Variants in SHROOM3 observed in about 807,000 individuals in gnomAD.
The protein encoded by SHROOM3 is shroom family member 3.
A neutral mutation model predicts 138.6 loss-of-function variants in SHROOM3; 47 were observed. The ratio of observed to expected loss-of-function variants is 0.34; its 90% CI spans 0.27 to 0.43. The LOEUF (loss-of-function observed/expected upper bound fraction) is 0.43. Among genes scored for constraint, SHROOM3 ranks in the 20% least tolerant of loss-of-function variants. The pLI, the probability that SHROOM3 is intolerant of heterozygous loss-of-function variation, is 1.00. For synonymous variants in SHROOM3, 1,062 were observed against 1,063.3 expected (o/e 1.00, Z 0.02); for missense variants, 2,491 against 2,596.5 (o/e 0.96, Z 0.88).
intron 2 of SHROOM3, among the ~76,000 whole-genome samples, chr4:76,600,257 C>T (rs529794414): frequency 1.8e-4 from 27 of 152,296 alleles, no homozygotes; most frequent in African/African-American, 3.4e-4. Context: ...TTGTATATCA[C>T]GTTGCCTTCT....
rs114509251 is a variant in SHROOM3 at position 76,754,977 on chromosome 4, G to A, written c.4494G>A (p.Pro1498=). 1.4e-3 allele frequency: 2,253 copies of A among 1,614,026 alleles called. 31 individuals carry two copies. The African/African-American group carries it at 0.025, about 18-fold the overall frequency. The change falls in exon 7 of 11, where the codon CCG becomes CCA. Residue 1498 remains proline (P), a synonymous_variant. Coordinates refer to ENST00000296043, the MANE Select transcript of SHROOM3 (RefSeq NM_020859.4). ...CTGAGTCTGTCCTGCGGGACTCCCC[G>A]CCACCTCATGAGGATTATGAAGACG... ...RISESVLRDS[P]PPHEDYEDEV...
intron 1 of SHROOM3, among the ~76,000 whole-genome samples, chr4:76,457,839 ATGCTGGAGTGCAGTGGCCTGATCTC>A (rs1731061186): frequency 6.9e-6 from 1 of 144,804 alleles, no homozygotes; most frequent in Non-Finnish European, 1.5e-5. Context: ...TCTGTCGCCC[ATGCTGGAGTGCAGTGGCCTGATCTC>A]GGCTCACTGC....
chr4:76,464,304 C>G (rs541969485), intron 1 of SHROOM3, among the ~76,000 whole-genome samples: 1 of 152,206 alleles, frequency 6.6e-6, no homozygotes, highest in Non-Finnish European at 1.5e-5. Flanking sequence ...GGGTTTCGCA[C>G]TTGCATGGGA....
chr4:76,551,293 A>G (rs1190060808), intron 1 of SHROOM3, among the ~76,000 whole-genome samples: 1 of 152,214 alleles, frequency 6.6e-6, no homozygotes, highest in African/African-American at 2.4e-5. Context: ...TCTTCCCCAT[A>G]ATGTTTGCTT....
At chr4:76,576,230 A>G (rs987105872) in intron 2 of SHROOM3, among the ~76,000 whole-genome samples, 17 of 152,240 alleles carry the variant, frequency 1.1e-4, no homozygotes, top group Non-Finnish European at 2.1e-4. Context: ...TACAATAGCT[A>G]AGATTTGGAA....
intron 1 of SHROOM3, among the ~76,000 whole-genome samples, chr4:76,527,672 G>A (rs116381375): frequency 1.2e-3 from 184 of 152,300 alleles, no homozygotes; most frequent in African/African-American, 3.8e-3. Flanking sequence ...TAGTGGTTTC[G>A]GTGTTGGTTT....
intron 2 of SHROOM3, among the ~76,000 whole-genome samples, chr4:76,651,516 A>G (rs1463828680): frequency 6.8e-6 from 1 of 147,940 alleles, no homozygotes; most frequent in African/African-American, 2.5e-5. Context: ...CCATACCACC[A>G]TCCAACAATA....
At chr4:76,606,077 A>C (rs188782865) in intron 2 of SHROOM3, among the ~76,000 whole-genome samples, 4 of 135,146 alleles carry the variant, frequency 3.0e-5, no homozygotes, top group Non-Finnish European at 6.1e-5. Context: ...GCAGTGGTGC[A>C]ATCTCGGCTC....
chr4:76,724,722 A>G (rs902124870), intron 3 of SHROOM3, among the ~76,000 whole-genome samples: 1 of 152,194 alleles, frequency 6.6e-6, no homozygotes, highest in Non-Finnish European at 1.5e-5. Flanking sequence ...TTCCAGTGTA[A>G]CAATATATTT....
intron 2 of SHROOM3, among the ~76,000 whole-genome samples, chr4:76,680,377 G>A (rs1026665367): frequency 6.6e-6 from 1 of 152,124 alleles, no homozygotes; most frequent in African/African-American, 2.4e-5. Flanking sequence ...CTGACCTCAC[G>A]ATCTGCCCGC....
intron 1 of SHROOM3, among the ~76,000 whole-genome samples, chr4:76,535,316 T>C (rs775004963): frequency 6.6e-5 from 10 of 152,222 alleles, no homozygotes; most frequent in Non-Finnish European, 1.5e-4. Flanking sequence ...GGGCTGTGCC[T>C]AATGGACTTT....
At chr4:76,718,224 T>C (rs896725992) in intron 3 of SHROOM3, among the ~76,000 whole-genome samples, 13 of 152,228 alleles carry the variant, frequency 8.5e-5, no homozygotes, top group African/African-American at 3.1e-4. Context: ...CCAGTTTTAT[T>C]TGGCATTCTT....
intron 1 of SHROOM3, among the ~76,000 whole-genome samples, chr4:76,456,997 A>T (rs1731040716): frequency 6.6e-6 from 1 of 152,220 alleles, no homozygotes; most frequent in Non-Finnish European, 1.5e-5. Context: ...GTGGGGCAGA[A>T]ACAAATCACA....
chr4:76,571,159 T>C (rs1474648635), intron 2 of SHROOM3, among the ~76,000 whole-genome samples: 1 of 152,222 alleles, frequency 6.6e-6, no homozygotes. Context: ...ACACCAGTAA[T>C]AGGGATTATT....
chr4:76,627,359 AAC>A (rs1735176190), intron 2 of SHROOM3, among the ~76,000 whole-genome samples: 6 of 152,206 alleles, frequency 3.9e-5, no homozygotes, highest in Admixed American at 3.9e-4. Context: ...CATACAACCC[AAC>A]AGCCATGTCT....
At chr4:76,593,333 C>T (rs1258837719) in intron 2 of SHROOM3, among the ~76,000 whole-genome samples, 3 of 152,150 alleles carry the variant, frequency 2.0e-5, no homozygotes, top group African/African-American at 7.2e-5. Flanking sequence ...TAAGAAATAA[C>T]CCCTAGAGGA....
intron 1 of SHROOM3, among the ~76,000 whole-genome samples, chr4:76,496,721 G>T (rs941367109): frequency 2.0e-5 from 3 of 152,056 alleles, no homozygotes; most frequent in African/African-American, 7.2e-5. Context: ...TAGTAGACAG[G>T]GTCATGCTTT....
At chr4:76,726,951 G>A (rs1299273257) in intron 3 of SHROOM3, among the ~76,000 whole-genome samples, 1 of 152,170 alleles carries the variant, frequency 6.6e-6, no homozygotes, top group African/African-American at 2.4e-5. Flanking sequence ...ACTGTTGGGT[G>A]ATGATGCCAC....
At chr4:76,558,430 AGAGAGATGT>A (rs1388762777) in intron 2 of SHROOM3, among the ~76,000 whole-genome samples, 2 of 152,238 alleles carry the variant, frequency 1.3e-5, no homozygotes, top group Non-Finnish European at 2.9e-5. Context: ...GGATTAGGCT[AGAGAGATGT>A]GACACATGCT....
Sources: allele counts gnomAD v4.1 joint callset (sites outside exome capture counted in the v4.1 genomes callset), GRCh38; gene constraint gnomAD v4.1.1; transcripts MANE v1.5; gene names NCBI Gene and HGNC (gene_info 2026-07-23, HGNC 2026-07-21).